Variants in LMBR1 observed in about 807,000 individuals in gnomAD.
LMBR1 encodes limb development membrane protein 1.
Under a neutral mutation model 73.9 loss-of-function variants are expected in LMBR1, and 52 were observed. That is an observed-to-expected ratio of 0.70 (90% CI 0.56 to 0.89). The LOEUF is 0.89. LMBR1 is among the 40% of genes least tolerant of loss of function. The pLI is 0.00. For synonymous variants in LMBR1, 215 were observed against 209.4 expected, an observed-to-expected ratio of 1.03 and a Z score of -0.23; for missense variants, 539 against 579.8, an observed-to-expected ratio of 0.93 and a Z score of 0.72.
At chr7:156,848,018 T>A (rs1161482557) in intron 1 of LMBR1, among the ~76,000 whole-genome samples, 1 of 151,350 alleles carries the variant, frequency 6.6e-6, no homozygotes, top group East Asian at 1.9e-4. Context: ...AATCAAGATA[T>A]CCTTCAATAG....
downstream of LMBR1, among the ~76,000 whole-genome samples, chr7:156,673,257 A>T (rs1802986932): frequency 6.6e-6 from 1 of 152,208 alleles, no homozygotes; most frequent in Admixed American, 6.5e-5. Context: ...CTTGCTTTTC[A>T]GGCATATGTG....
At chr7:156,753,401 A>G (rs117440253) in intron 9 of LMBR1, among the ~76,000 whole-genome samples, 2 of 152,236 alleles carry the variant, frequency 1.3e-5, no homozygotes, top group East Asian at 3.9e-4. Context: ...GCACCTACTC[A>G]AACTCCAGGA....
intron 1 of LMBR1, among the ~76,000 whole-genome samples, chr7:156,888,772 A>G (rs1205134506): frequency 1.3e-5 from 2 of 151,460 alleles, no homozygotes; most frequent in African/African-American, 4.9e-5. Flanking sequence ...TTAAAAAATG[A>G]GGCCAGGCAC....
rs1183278800 is a variant in LMBR1, at chr7:156,864,995, CAAAAAAAAA to C, written c.66+27924_66+27932del. Among the ~76,000 whole-genome samples the C allele has an allele frequency of 7.3e-5, 7 of 95,278 alleles. No individual in the cohort carries two copies. The South Asian group carries it at 1.1e-3, about 15-fold the overall frequency. 62.5% of individuals were successfully genotyped at this position (95,278 alleles called of 152,430 possible). ...TGGGTGACAGCGCGAGACTCTGTCT[CAAAAAAAAA>C]AAAAAAAAGCAATTCCCTTTCAGCC... is the stretch of plus-strand genomic sequence containing the variant. On this transcript the variant is annotated intron_variant, in intron 1 of 16. Transcript: ENST00000353442.
chr7:156,787,760 AG>A (rs1828403440), intron 5 of LMBR1, among the ~76,000 whole-genome samples: 1 of 152,124 alleles, frequency 6.6e-6, no homozygotes, highest in South Asian at 2.1e-4. Context: ...AAGTCAAACT[AG>A]ATATAACTGG....
chr7:156,789,683 T>C (rs1828851594), intron 5 of LMBR1, among the ~76,000 whole-genome samples: 1 of 152,318 alleles, frequency 6.6e-6, no homozygotes, highest in Admixed American at 6.5e-5. Context: ...ATTCAACCCC[T>C]AGCCTCTCTG....
chr7:156,681,251 G>A lies in LMBR1; in HGVS notation c.*2827C>T, dbSNP rs1333116705. The stretch of plus-strand genomic sequence containing the variant: ...TGGGCACCCAGCAGATGGGGAGGCC[G>A]CACTGCCGCTGAGAGCAGGTACACG... On this transcript the variant is annotated 3_prime_UTR_variant, in exon 17 of 17. Coordinates refer to ENST00000353442, the MANE Select transcript of LMBR1 (RefSeq NM_022458.4). 2.3e-5 allele frequency: 10 copies of A among 431,266 alleles called. No homozygotes were observed. The highest frequency in any genetic ancestry group is 4.4e-4 in the Middle Eastern group (1 of 2,252). The allele number at this position is 431,266 out of a possible 1,614,324, so 26.7% of individuals were successfully genotyped here. A position where few individuals can be genotyped will look rare whatever the true frequency, so the allele number is the denominator to read the frequency against.
chr7:156,758,617 C>T (rs1377355285), intron 8 of LMBR1, among the ~76,000 whole-genome samples: 1 of 152,144 alleles, frequency 6.6e-6, no homozygotes, highest in Admixed American at 6.5e-5. Context: ...GTATGGACCT[C>T]TCTCTCGCCT....
chr7:156,888,171 G>A (rs2134583052), intron 1 of LMBR1, among the ~76,000 whole-genome samples: 1 of 152,286 alleles, frequency 6.6e-6, no homozygotes, highest in East Asian at 1.9e-4. Flanking sequence ...AGCACTTTGG[G>A]AGGCTGAGGC....
chr7:156,737,552 T>C (rs1050548972), intron 9 of LMBR1, among the ~76,000 whole-genome samples: 4 of 152,206 alleles, frequency 2.6e-5, no homozygotes, highest in African/African-American at 9.6e-5. Flanking sequence ...AGTTGGACAC[T>C]GGATCTCCTG....
chr7:156,702,663 TTC>T (rs1810038686), intron 15 of LMBR1, among the ~76,000 whole-genome samples: 1 of 152,216 alleles, frequency 6.6e-6, no homozygotes, highest in African/African-American at 2.4e-5. Context: ...ATATTTTTAC[TTC>T]TTTTTCACAT....
chr7:156,695,617 G>A (rs545228594), intron 15 of LMBR1, among the ~76,000 whole-genome samples: 1 of 152,020 alleles, frequency 6.6e-6, no homozygotes, highest in Non-Finnish European at 1.5e-5. Context: ...GCACCAAGGG[G>A]GATGGTGTTA....
At chr7:156,833,068 G>A (rs915299069) in intron 3 of LMBR1, among the ~76,000 whole-genome samples, 2 of 152,176 alleles carry the variant, frequency 1.3e-5, no homozygotes, top group African/African-American at 4.8e-5. Context: ...AAAGTATCCT[G>A]AGGAAATGAA....
intron 9 of LMBR1, among the ~76,000 whole-genome samples, chr7:156,736,973 G>T (rs1817989970): frequency 6.6e-6 from 1 of 151,948 alleles, no homozygotes. Flanking sequence ...CTTTAGACCT[G>T]CCCACCCCAG....
rs140060085 is a variant in LMBR1 at position 156,861,811 on chromosome 7, C to T, written c.67-24926G>A. On this transcript the variant is annotated intron_variant, in intron 1 of 16. Transcript: ENST00000353442. The stretch of plus-strand genomic sequence containing the variant: ...CTTTTCTAAAACATAACAAGAGTCA[C>T]CTTTGCTCCACTTCCCAACAAGTTT... Among the ~76,000 whole-genome samples, 667 of 152,276 alleles carry T rather than the reference C, an allele frequency of 4.4e-3. 19 individuals carry two copies. Among genetic ancestry groups the T allele is most frequent in the Admixed American group, 0.036 (546 of 15,290 alleles).
intron 9 of LMBR1, among the ~76,000 whole-genome samples, chr7:156,750,092 A>C (rs1820568496): frequency 6.6e-6 from 1 of 152,240 alleles, no homozygotes; most frequent in African/African-American, 2.4e-5. Context: ...TTAAGTTCAA[A>C]GACTATGATA....
At chr7:156,826,556 TA>T in intron 4 of LMBR1, 48 bp downstream of exon 4, 1 of 1,194,504 alleles carries the variant, frequency 8.4e-7, no homozygotes, top group Non-Finnish European at 1.1e-6. Flanking sequence ...TATGGTGCAG[TA>T]AAAAATTAAA....
chr7:156,688,178 A>C lies in LMBR1; in HGVS notation c.1239T>G (p.Phe413Leu). Residue 413 changes from phenylalanine to leucine, a missense_variant, in exon 16 of 17, where the codon TTT (phenylalanine) becomes TTG (leucine). This residue lies in a region of LMBR1 where 16 missense variants were observed against 37.9 expected (regional missense o/e 0.42). Transcript: ENST00000353442. The stretch of plus-strand genomic sequence containing the variant: ...ACCTTCCAAAGTCGCCAAGTAGATC[A>C]AATCTAGTGATTCCTGTTAAAAATA... Reference protein sequence around the residue: ...VMSRTLGITRFDLLGDFGRFN... With the variant: ...VMSRTLGITRLDLLGDFGRFN... 1 of 1,594,742 alleles carries C rather than the reference A, an allele frequency of 6.3e-7. No individual in the cohort carries two copies. The highest frequency in any genetic ancestry group is 8.5e-7 in the Non-Finnish European group (1 of 1,172,918).
chr7:156,866,226 C>T (rs972603209), intron 1 of LMBR1, among the ~76,000 whole-genome samples: 89 of 151,970 alleles, frequency 5.9e-4, no homozygotes, highest in Non-Finnish European at 2.1e-4. Context: ...ATAGTGACAA[C>T]GAAACTCTCC....
Sources: gnomAD v4.1 joint callset for allele counts (sites outside exome capture counted in the v4.1 genomes callset) on GRCh38, gnomAD v4.1.1 for gene constraint, gnomAD v4.1.1 regional missense constraint, MANE v1.5 for transcripts, NCBI Gene and HGNC (gene_info 2026-07-23, HGNC 2026-07-21) for gene names.